The following IL16 variants were observed in gnomAD, a reference collection of about 807,000 sequenced individuals.
IL16 encodes the protein pro-interleukin-16.
A neutral mutation model predicts 110.1 loss-of-function variants in IL16; 67 were observed. That is an observed-to-expected ratio of 0.61 (90% CI 0.50 to 0.75). IL16 has a LOEUF of 0.75. Ranked by LOEUF, IL16 falls within the 30% of genes least tolerant of loss-of-function variation. The pLI is 0.00. For synonymous variants in IL16, 689 were observed against 662.9 expected (o/e 1.04, Z -0.61); for missense variants, 1,545 against 1,655.0 (o/e 0.93, Z 1.15).
In IL16 at chr15:81,225,427, A is replaced by T. The variant is rs754641043; in HGVS notation, c.28A>T (p.Ser10Cys). 5 of 1,614,156 alleles carry T rather than the reference A, an allele frequency of 3.1e-6. No homozygotes were observed. Among genetic ancestry groups the T allele is most frequent in the African/African-American group, 1.3e-5 (1 of 75,060 alleles). MESHSRAGK[S>C]RKSAKFRSIS... ...GGAGTCGCACAGCCGCGCTGGAAAG[A>T]GCAGAAAATCTGCAAAATTTCGGTC... Residue 10 changes from serine (S) to cysteine (C), a missense_variant, in exon 2 of 19, where the codon AGC becomes TGC. Around this residue, in one of 3 missense-constraint regions of IL16, gnomAD observed 1,185 missense variants for 1,238.8 expected, o/e 0.96. Coordinates refer to ENST00000683961, the MANE Select transcript of IL16 (RefSeq NM_172217.5).
chr15:81,204,378 A>G (rs1427805674), intron 1 of IL16, among the ~76,000 whole-genome samples: 4 of 152,152 alleles, frequency 2.6e-5, no homozygotes, highest in Non-Finnish European at 5.9e-5. Context: ...GAGTGGTGAG[A>G]GAGGGCTTCC....
At chr15:81,205,324 T>G (rs1362438283) in intron 1 of IL16, among the ~76,000 whole-genome samples, 1 of 150,720 alleles carries the variant, frequency 6.6e-6, no homozygotes, top group Non-Finnish European at 1.5e-5. Context: ...AAAAAAAATC[T>G]TGAGAGATGA....
rs373859330 is a variant in IL16, at chr15:81,300,433, G to A, written c.3107G>A (p.Gly1036Asp). Residue 1036 changes from glycine (G) to aspartate (D), a missense_variant, in exon 14 of 19, where the codon GGT (glycine) becomes GAT (aspartate). Gly to Asp is a moderately conservative substitution (Grantham distance 94, BLOSUM62 -1). This residue lies in a region of IL16 where 356 missense variants were observed against 399.3 expected (regional missense o/e 0.89). Coordinates refer to ENST00000683961, the MANE Select transcript of IL16 (RefSeq NM_172217.5). ...SSSNEDSAAN[G>D]SAETSALDTG... ...TCCAACGAAGACTCAGCTGCAAATG[G>A]TTCTGCTGAAACATCTGCCTTGGAC... 6.2e-6 allele frequency: 10 copies of A among 1,613,954 alleles called. No individual in the cohort carries two copies. In the East Asian group the frequency reaches 1.8e-4, roughly 29 times the overall value.
chr15:81,290,455 C>T lies in IL16; in HGVS notation c.1335C>T (p.Val445=), dbSNP rs1215090491. Residue 445 remains valine, a splice_region_variant and synonymous_variant, in exon 11 of 19, where the codon GTC becomes GTT. Coordinates refer to ENST00000683961, the MANE Select transcript of IL16 (RefSeq NM_172217.5). ...AGGAGATGACTGATATTTTCTAGGT[C>T]TCTGAACAGCAACTCAAAGAAGCTG... ...IIVSRHPDPQ[V]SEQQLKEAVA... 6.2e-7 allele frequency: 1 copy of T among 1,611,200 alleles called. No homozygotes were observed. The highest frequency in any genetic ancestry group is 2.2e-5 in the East Asian group (1 of 44,670).
intron 6 of IL16, among the ~76,000 whole-genome samples, chr15:81,277,613 T>C (rs2142281051): frequency 6.6e-6 from 1 of 152,086 alleles, no homozygotes; most frequent in East Asian, 1.9e-4. Context: ...CCAGCTAATA[T>C]TTGTACGTTT....
At position 81,285,707 on chromosome 15, in the gene IL16, C is replaced by G; in HGVS notation, c.1209C>G (p.Asp403Glu). Reference protein sequence around the residue: ...AHLDGRLRCGDEIVEISDSPV... With the variant: ...AHLDGRLRCGEEIVEISDSPV... ...ATTGATGCTTGCACAGGTGTGGGGA[C>G]GAGATTGTGGAAATCAGTGATTCCC... Residue 403 changes from aspartate (D) to glutamate (E), a missense_variant, in exon 10 of 19, where the codon GAC becomes GAG. Around this residue, in one of 3 missense-constraint regions of IL16, gnomAD observed 1,185 missense variants for 1,238.8 expected, o/e 0.96. Transcript: ENST00000683961. 6.2e-7 allele frequency: 1 copy of G among 1,613,958 alleles called. No homozygotes were observed.
At chr15:81,205,178 T>C (rs1895970829) in intron 1 of IL16, among the ~76,000 whole-genome samples, 1 of 151,790 alleles carries the variant, frequency 6.6e-6, no homozygotes, top group African/African-American at 2.4e-5. Flanking sequence ...TAGTGGCACG[T>C]GCCTGTCATC....
At chr15:81,261,764 T>C (rs1042987868) in intron 3 of IL16, among the ~76,000 whole-genome samples, 12 of 151,684 alleles carry the variant, frequency 7.9e-5, no homozygotes, top group Non-Finnish European at 1.8e-4. Context: ...CTGATAAAAA[T>C]AGATGGAAAA....
At chr15:81,209,700 T>C (rs1214491996) in intron 1 of IL16, among the ~76,000 whole-genome samples, 1 of 152,096 alleles carries the variant, frequency 6.6e-6, no homozygotes, top group Non-Finnish European at 1.5e-5. Flanking sequence ...GAGTACTCAA[T>C]AGCCCACACC....
intron 3 of IL16, among the ~76,000 whole-genome samples, chr15:81,260,343 G>A (rs1357301956): frequency 2.0e-5 from 3 of 152,186 alleles, no homozygotes; most frequent in Non-Finnish European, 2.9e-5. Flanking sequence ...GATCATCTAT[G>A]TTAACATATT....
chr15:81,199,030 A>AAAATATATATATAT (rs1555411597), intron 1 of IL16, among the ~76,000 whole-genome samples: 1 of 104,202 alleles, frequency 9.6e-6, no homozygotes, highest in Non-Finnish European at 1.7e-5. Flanking sequence ...AAAAAAAAAA[A>AAAATATATATATAT]ATATATATAT....
intron 2 of IL16, among the ~76,000 whole-genome samples, chr15:81,226,316 TATATCATATTTCA>T: frequency 6.6e-6 from 1 of 152,368 alleles, no homozygotes; most frequent in Middle Eastern, 3.4e-3. Context: ...TCCTTTCTGT[TATATCATATTTCA>T]ATTTTTGTCA....
intron 2 of IL16, among the ~76,000 whole-genome samples, chr15:81,240,742 C>T (rs185489916): frequency 6.6e-6 from 1 of 151,866 alleles, no homozygotes; most frequent in Admixed American, 6.6e-5. Flanking sequence ...CTATTTTCTC[C>T]CAGCTTTTAA....
At chr15:81,224,194 T>A (rs968337563) in intron 1 of IL16, among the ~76,000 whole-genome samples, 6 of 152,374 alleles carry the variant, frequency 3.9e-5, no homozygotes, top group African/African-American at 1.4e-4. Flanking sequence ...TTGGAGGATA[T>A]GTGAAAGGGT....
chr15:81,284,336 C>T (rs1899341858), intron 9 of IL16, among the ~76,000 whole-genome samples: 1 of 152,230 alleles, frequency 6.6e-6, no homozygotes, highest in South Asian at 2.1e-4. Context: ...GCCATCCCTG[C>T]TTATGATGCT....
chr15:81,255,017 A>T (rs1404837274), intron 2 of IL16, among the ~76,000 whole-genome samples: 1 of 152,238 alleles, frequency 6.6e-6, no homozygotes, highest in Non-Finnish European at 1.5e-5. Flanking sequence ...TGACAAGCTC[A>T]GAGTCATGAG....
At chr15:81,276,767 G>C (rs1393626280) in intron 6 of IL16, among the ~76,000 whole-genome samples, 1 of 152,126 alleles carries the variant, frequency 6.6e-6, no homozygotes, top group Admixed American at 6.5e-5. Flanking sequence ...TGGAAATAAA[G>C]GAAAAACTGG....
chr15:81,299,522 C>A lies in IL16; in HGVS notation c.2196C>A (p.Asn732Lys), dbSNP rs764657709. The change falls in exon 14 of 19, where the codon AAC (asparagine) becomes AAA (lysine). Residue 732 changes from asparagine (N) to lysine (K), a missense_variant. Physicochemically the swap from Asn to Lys is moderately conservative, Grantham distance 94. Transcript: ENST00000683961. The part of the protein sequence containing the change: ...KNLFSPIMSE[N>K]HGHMPLQPNA... ...TATTTAGCCCCATCATGAGTGAGAA[C>A]CATGGCCACATGCCTCTACAGCCCA... is the stretch of plus-strand genomic sequence containing the variant. The A allele has an allele frequency of 1.1e-5, 17 of 1,614,028 alleles. No homozygotes were observed. The highest frequency in any genetic ancestry group is 1.3e-5 in the African/African-American group (1 of 74,924).
chr15:81,227,430 T>C (rs558674843), intron 2 of IL16, among the ~76,000 whole-genome samples: 188 of 151,614 alleles, frequency 1.2e-3, no homozygotes, highest in Non-Finnish European at 2.1e-3. Flanking sequence ...TGGAGGGGGG[T>C]GCATCACGTG....
Sources: allele counts gnomAD v4.1 joint callset (sites outside exome capture counted in the v4.1 genomes callset), GRCh38; gene constraint gnomAD v4.1.1; regional missense constraint gnomAD v4.1.1; transcripts MANE v1.5; gene names NCBI Gene and HGNC (gene_info 2026-07-23, HGNC 2026-07-21).